The following WNK1 variants were observed in gnomAD, a reference collection of about 807,000 sequenced individuals.
WNK1 encodes the protein serine/threonine-protein kinase WNK1.
A neutral mutation model predicts 222.8 loss-of-function variants in WNK1; 38 were observed. The observed-to-expected ratio is 0.17, with a 90% CI of 0.13 to 0.22. WNK1 has a LOEUF of 0.22. Among genes scored for constraint, WNK1 ranks in the 10% least tolerant of loss-of-function variants. The pLI is 1.00. For missense variants in WNK1, 2,348 were observed against 2,918.4 expected (o/e 0.80, Z 4.50); for synonymous variants, 1,090 against 1,092.9 (o/e 1.00, Z 0.05).
chr12:881,142 C>A, intron 12 of WNK1, 143 bp downstream of exon 12: 2 of 1,108,520 alleles, frequency 1.8e-6, no homozygotes, highest in African/African-American at 1.6e-5. Flanking sequence ...CTTTTTCTTA[C>A]AGCAGAATGA....
chr12:894,109 T>C (rs181748343), intron 22 of WNK1, among the ~76,000 whole-genome samples: 102 of 152,062 alleles, frequency 6.7e-4, no homozygotes, highest in African/African-American at 2.2e-3. Context: ...TCCCAGCTAC[T>C]CAGGAGGCTG....
At chr12:848,231 T>C (rs964050357) in intron 4 of WNK1, among the ~76,000 whole-genome samples, 1 of 152,190 alleles carries the variant, frequency 6.6e-6, no homozygotes, top group Non-Finnish European at 1.5e-5. Context: ...TGGAGAACTA[T>C]TAACCGTTTT....
intron 10 of WNK1, 115 bp from the exon 11 acceptor site, chr12:879,458 G>C: frequency 5.2e-6 from 1 of 192,390 alleles, no homozygotes; most frequent in Non-Finnish European, 8.3e-6. Flanking sequence ...TTTTTTTTTT[G>C]TTTGTTTTTT....
intron 22 of WNK1, 100 bp downstream of exon 22, chr12:890,613 A>G (rs1954131469): frequency 4.2e-6 from 5 of 1,189,034 alleles, no homozygotes; most frequent in South Asian, 2.5e-5. Flanking sequence ...CACGTATTTG[A>G]TAACTGAGGA....
In WNK1 at chr12:827,999, G is replaced by A. The variant is rs1333382269; in HGVS notation, c.1153+737G>A. ...TATAAAATGTCTGTTGGATATATAT[G>A]TATATTCAAGAATATTGGCCAAGCA... On this transcript the variant is annotated intron_variant, in intron 3 of 27. Transcript: ENST00000315939. The surrounding 1 kb of genome is among the most constrained non-coding windows in gnomAD (Gnocchi z 4.6). Among the ~76,000 whole-genome samples, 2 of 151,794 alleles carry A rather than the reference G, an allele frequency of 1.3e-5. No homozygotes were observed. Among genetic ancestry groups the A allele is most frequent in the African/African-American group, 4.8e-5 (2 of 41,428 alleles).
At chr12:843,415 G>T (rs946064589) in intron 4 of WNK1, among the ~76,000 whole-genome samples, 1 of 152,138 alleles carries the variant, frequency 6.6e-6, no homozygotes, top group Non-Finnish European at 1.5e-5. Flanking sequence ...GTATATGTTG[G>T]TATCAATAAC....
At chr12:889,661 A>T (rs1954016403) in intron 21 of WNK1, among the ~76,000 whole-genome samples, 7 of 152,050 alleles carry the variant, frequency 4.6e-5, no homozygotes, top group Admixed American at 4.6e-4. Flanking sequence ...TAGTAAAAAT[A>T]CAAAAAATTA....
intron 4 of WNK1, among the ~76,000 whole-genome samples, chr12:833,187 A>G (rs1282132029): frequency 6.6e-6 from 1 of 152,110 alleles, no homozygotes; most frequent in African/African-American, 2.4e-5. Flanking sequence ...CTTAGATGCA[A>G]GCCTTCTTCA....
At chr12:867,654 G>A in intron 8 of WNK1, 1 of 575,956 alleles carries the variant, frequency 1.7e-6, no homozygotes. Context: ...CTTATCTAAA[G>A]CAAAGAGCCC....
intron 4 of WNK1, among the ~76,000 whole-genome samples, chr12:840,868 G>A (rs1949576187): frequency 6.6e-6 from 1 of 152,200 alleles, no homozygotes. Flanking sequence ...CAGAAAATGT[G>A]TAGGCAGTCT....
intron 22 of WNK1, among the ~76,000 whole-genome samples, chr12:891,008 A>G (rs187793598): frequency 1.3e-5 from 2 of 152,370 alleles, no homozygotes; most frequent in Admixed American, 1.3e-4. Context: ...AAATGGAAAA[A>G]TGAAAGGGGA....
chr12:854,717 A>G (rs543766516), intron 4 of WNK1, among the ~76,000 whole-genome samples: 1 of 152,308 alleles, frequency 6.6e-6, no homozygotes, highest in East Asian at 1.9e-4. Flanking sequence ...CTAAAACCAA[A>G]TGTAAACCAG....
rs1948441830 is a variant in WNK1 at position 827,491 on chromosome 12, T to G, written c.1153+229T>G. The G allele has an allele frequency of 3.4e-6, 2 of 581,994 alleles. No individual in the cohort carries two copies. Among genetic ancestry groups the G allele is most frequent in the Admixed American group, 3.0e-5 (1 of 33,100 alleles). 36.1% of individuals were successfully genotyped at this position (581,994 alleles called of 1,614,324 possible). On this transcript the variant is annotated intron_variant, in intron 3 of 27. Transcript: ENST00000315939. This position sits in a 1 kb window ranked among gnomAD's most constrained non-coding sequence, Gnocchi z 4.6. Reference sequence around the variant, plus strand: ...ACGTTACAAGAAATAAAGTGAACTTTGTTGATAAAACCTAATGTAATAGCC... The same window carrying G: ...ACGTTACAAGAAATAAAGTGAACTTGGTTGATAAAACCTAATGTAATAGCC...
intron 8 of WNK1, among the ~76,000 whole-genome samples, chr12:870,065 T>C (rs1386934684): frequency 6.6e-6 from 1 of 152,194 alleles, no homozygotes; most frequent in African/African-American, 2.4e-5. Context: ...TAGAAGACTA[T>C]GCAGTTATAT....
intron 1 of WNK1, among the ~76,000 whole-genome samples, chr12:785,069 C>T (rs1315318181): frequency 1.3e-5 from 2 of 152,084 alleles, no homozygotes; most frequent in Non-Finnish European, 2.9e-5. Context: ...GACATTTATT[C>T]TATTTTCTTC....
Position 760,977 on chromosome 12 carries a change from G to A in WNK1, c.759+6653G>A, listed in dbSNP as rs796640469. Among the ~76,000 whole-genome samples the A allele has an allele frequency of 9.8e-5, 14 of 143,064 alleles. No homozygotes were observed. The South Asian group carries it at 3.0e-3, about 31-fold the overall frequency. 93.9% of individuals were successfully genotyped at this position (143,064 alleles called of 152,430 possible). ...TTTTTGTATTTTTAATAGAGACAGAGTTTCACCGTGTTGGACAGGCTGGTC... is the reference window on the plus strand; with the variant it reads ...TTTTTGTATTTTTAATAGAGACAGAATTTCACCGTGTTGGACAGGCTGGTC... On this transcript the variant is annotated intron_variant, in intron 1 of 27. Transcript: ENST00000315939.
chr12:847,451 T>C (rs1950101216), intron 4 of WNK1, among the ~76,000 whole-genome samples: 1 of 152,180 alleles, frequency 6.6e-6, no homozygotes, highest in South Asian at 2.1e-4. Flanking sequence ...AGGAAAAGTA[T>C]TCTTGTTGGT....
chr12:757,045 G>A (rs1349556487), intron 1 of WNK1, among the ~76,000 whole-genome samples: 2 of 152,162 alleles, frequency 1.3e-5, no homozygotes, highest in Non-Finnish European at 2.9e-5. Context: ...TTGTAGTCCA[G>A]TAGATGGCTA....
rs779771240 is a variant in WNK1 at position 885,219 on chromosome 12, C to T, written c.4415C>T (p.Pro1472Leu). The change falls in exon 19 of 28, where the codon CCA (proline) becomes CTA (leucine). Residue 1472 changes from proline (P) to leucine (L), a missense_variant. Transcript: ENST00000315939. ...ACTGCTACCCCAGGTCCTAAGCCTC[C>T]AGCTGTAGTATCTCAGCAGGCAGCA... ...GSTATPGPKP[P>L]AVVSQQAAGS... is the part of the protein sequence containing the mutation. 9 of 1,614,096 alleles carry T rather than the reference C, an allele frequency of 5.6e-6. No homozygotes were observed. In the South Asian group the frequency reaches 8.8e-5, roughly 16 times the overall value.
Sources: allele counts gnomAD v4.1 joint callset (sites outside exome capture counted in the v4.1 genomes callset), GRCh38; gene constraint gnomAD v4.1.1; non-coding constraint Gnocchi (gnomAD v3.1); transcripts MANE v1.5; gene names NCBI Gene and HGNC (gene_info 2026-07-23, HGNC 2026-07-21).